Variants in EYS observed in about 807,000 individuals in gnomAD.
The protein encoded by EYS is protein eyes shut homolog.
EYS carries 250 observed loss-of-function variants against 282.1 expected under a neutral mutation model. The observed-to-expected ratio is 0.89, with a 90% CI of 0.80 to 0.98. The LOEUF (loss-of-function observed/expected upper bound fraction) is 0.98. Ranked by LOEUF, EYS falls within the 50% of genes least tolerant of loss-of-function variation. The probability of loss-of-function intolerance (pLI) is 0.00; values close to 1 mark genes in which losing one functional copy is unlikely to be tolerated. For missense variants in EYS, 4,016 were observed against 3,709.0 expected, an observed-to-expected ratio of 1.08 and a Z score of -2.15; for synonymous variants, 1,355 against 1,282.9, an observed-to-expected ratio of 1.06 and a Z score of -1.20.
chr6:64,185,734 G>T (rs1764917954), intron 31 of EYS, among the ~76,000 whole-genome samples: 1 of 152,094 alleles, frequency 6.6e-6, no homozygotes, highest in African/African-American at 2.4e-5. Flanking sequence ...AAGCTTGAGA[G>T]ACTTTATGGT....
chr6:64,716,329 A>G (rs1433963701), intron 22 of EYS, among the ~76,000 whole-genome samples: 1 of 152,220 alleles, frequency 6.6e-6, no homozygotes, highest in Admixed American at 6.5e-5. Flanking sequence ...AGACTTGGAT[A>G]GTTTTGCAAT....
At chr6:65,636,347 C>T (rs1377406306) in intron 2 of EYS, among the ~76,000 whole-genome samples, 1 of 152,198 alleles carries the variant, frequency 6.6e-6, no homozygotes. Flanking sequence ...CTCTTTCATT[C>T]ATTGTCCTCT....
intron 30 of EYS, among the ~76,000 whole-genome samples, chr6:64,260,949 A>G (rs1176207217): frequency 2.0e-5 from 3 of 151,904 alleles, no homozygotes; most frequent in South Asian, 2.1e-4. Flanking sequence ...ATGTTTTTAT[A>G]CAAGTATACA....
intron 26 of EYS, among the ~76,000 whole-genome samples, chr6:64,560,290 G>A (rs1765355374): frequency 6.6e-6 from 1 of 151,450 alleles, no homozygotes. Flanking sequence ...GAAATCTTAG[G>A]CTTTATAATT....
intron 5 of EYS, among the ~76,000 whole-genome samples, chr6:65,473,551 T>A (rs1356397904): frequency 2.6e-5 from 4 of 151,898 alleles, no homozygotes; most frequent in Non-Finnish European, 5.9e-5. Context: ...AACAAAAATT[T>A]ATGCAAGAGA....
chr6:64,055,932 G>A (rs1463397425), intron 33 of EYS, among the ~76,000 whole-genome samples: 1 of 152,058 alleles, frequency 6.6e-6, no homozygotes, highest in East Asian at 1.9e-4. Flanking sequence ...CAGTAAGTGC[G>A]GATTGTAGCC....
Position 65,049,609 on chromosome 6 carries a change from C to T in EYS, c.2137+8005G>A, listed in dbSNP as rs1158357285. ...ATTGTGCTGGAAATGAAGAAAGGTA[C>T]CCATTTAGAAAACAATAGCGTTGTT... is the stretch of plus-strand genomic sequence containing the variant. On this transcript the variant is annotated intron_variant, in intron 13 of 42. Transcript: ENST00000503581. 1.3e-5 allele frequency among the ~76,000 whole-genome samples: 2 copies of T among 151,580 alleles called. 1 individual carries two copies. The highest frequency in any genetic ancestry group is 1.3e-4 in the Admixed American group (2 of 15,152).
intron 29 of EYS, among the ~76,000 whole-genome samples, chr6:64,317,049 A>C (rs112073464): frequency 0.013 from 2,010 of 152,318 alleles, 44 homozygotes; most frequent in African/African-American, 0.045. Context: ...CTTACACCTT[A>C]TATAAAAATT....
chr6:64,385,647 A>G (rs989126685), intron 29 of EYS, among the ~76,000 whole-genome samples: 4 of 152,212 alleles, frequency 2.6e-5, no homozygotes, highest in African/African-American at 9.7e-5. Flanking sequence ...AATTATTATC[A>G]TCATCTTTCT....
intron 2 of EYS, among the ~76,000 whole-genome samples, chr6:65,571,360 T>C (rs1340988909): frequency 6.6e-6 from 1 of 152,060 alleles, no homozygotes; most frequent in Non-Finnish European, 1.5e-5. Context: ...TAGGCAGATT[T>C]ACGTCAGTGC....
chr6:65,363,522 T>A lies in EYS; in HGVS notation c.1300-9905A>T, dbSNP rs566499679. ...TCCACAACATTGTAAATGTTATGAT[T>A]GATGTTGTTTTTCATGGCGTAGACA... On this transcript the variant is annotated intron_variant, in intron 8 of 42. Transcript: ENST00000503581. 2.0e-5 allele frequency among the ~76,000 whole-genome samples: 3 copies of A among 151,886 alleles called. No individual in the cohort carries two copies. The South Asian group carries it at 6.2e-4, about 32-fold the overall frequency.
At chr6:64,561,843 T>G (rs1343576091) in intron 26 of EYS, among the ~76,000 whole-genome samples, 3 of 150,174 alleles carry the variant, frequency 2.0e-5, no homozygotes, top group Non-Finnish European at 4.4e-5. Flanking sequence ...CCAAAGCAAT[T>G]TACAGATTTA....
intron 2 of EYS, among the ~76,000 whole-genome samples, chr6:65,572,300 G>A (rs948083003): frequency 1.6e-4 from 25 of 152,198 alleles, no homozygotes; most frequent in Admixed American, 1.5e-3. Context: ...ATACATGTAT[G>A]TGAAACATAA....
chr6:65,017,068 T>TC (rs1201097788), intron 13 of EYS, among the ~76,000 whole-genome samples: 1 of 152,164 alleles, frequency 6.6e-6, no homozygotes, highest in Non-Finnish European at 1.5e-5. Flanking sequence ...CATCATTTTT[T>TC]CCCTCTCCCT....
At chr6:65,553,175 T>G (rs377026770) in intron 2 of EYS, among the ~76,000 whole-genome samples, 2 of 152,158 alleles carry the variant, frequency 1.3e-5, no homozygotes, top group East Asian at 1.9e-4. Flanking sequence ...GATATCCTCC[T>G]AAAATGATAA....
intron 11 of EYS, among the ~76,000 whole-genome samples, chr6:65,334,537 T>C (rs1358161700): frequency 1.3e-5 from 2 of 151,800 alleles, no homozygotes; most frequent in Non-Finnish European, 2.9e-5. Flanking sequence ...CCCAAAACAC[T>C]GAGATTACAG....
intron 14 of EYS, among the ~76,000 whole-genome samples, chr6:64,953,404 T>G (rs577383056): frequency 1.3e-5 from 2 of 151,808 alleles, no homozygotes; most frequent in Non-Finnish European, 1.5e-5. Context: ...GTAATGAATT[T>G]AATCCTTGTA....
chr6:65,680,117 A>ACAG (rs1562324682), intron 1 of EYS, among the ~76,000 whole-genome samples: 4 of 102,144 alleles, frequency 3.9e-5, no homozygotes, highest in African/African-American at 1.7e-4. Context: ...CACACACACA[A>ACAG]AGCAAATGTT....
intron 22 of EYS, among the ~76,000 whole-genome samples, chr6:64,745,278 TAA>T (rs1772517247): frequency 1.3e-5 from 2 of 152,292 alleles, no homozygotes; most frequent in South Asian, 4.1e-4. Context: ...ACCAGGATTT[TAA>T]AAGTCAGTAC....
Sources: allele counts gnomAD v4.1 joint callset (sites outside exome capture counted in the v4.1 genomes callset), GRCh38; gene constraint gnomAD v4.1.1; transcripts MANE v1.5; gene names NCBI Gene and HGNC (gene_info 2026-07-23, HGNC 2026-07-21).